Variants in AGBL1 observed in about 807,000 individuals in gnomAD.
The protein encoded by AGBL1 is cytosolic carboxypeptidase 4.
Under a neutral mutation model 118.9 loss-of-function variants are expected in AGBL1, and 130 were observed. The ratio of observed to expected loss-of-function variants is 1.09; its 90% CI spans 0.95 to 1.26. The LOEUF (loss-of-function observed/expected upper bound fraction) is 1.26, where lower values mean the gene tolerates loss of function less well. AGBL1 is among the 50% of genes most tolerant of loss of function. The pLI is 0.00. For synonymous variants in AGBL1, 555 were observed against 478.9 expected, an observed-to-expected ratio of 1.16 and a Z score of -2.08; for missense variants, 1,584 against 1,298.1, an observed-to-expected ratio of 1.22 and a Z score of -3.38.
At chr15:86,424,838 A>G (rs2081844385) in intron 18 of AGBL1, among the ~76,000 whole-genome samples, 1 of 152,234 alleles carries the variant, frequency 6.6e-6, no homozygotes, top group Non-Finnish European at 1.5e-5. Context: ...AACCACAATG[A>G]GATACCATCT....
intron 18 of AGBL1, among the ~76,000 whole-genome samples, chr15:86,421,811 AT>A (rs2081794671): frequency 6.6e-6 from 1 of 152,230 alleles, no homozygotes; most frequent in Non-Finnish European, 1.5e-5. Flanking sequence ...CTCATCTCTG[AT>A]AAAATAGACT....
At chr15:86,698,705 G>A (rs2086305481) in intron 22 of AGBL1, among the ~76,000 whole-genome samples, 1 of 150,732 alleles carries the variant, frequency 6.6e-6, no homozygotes, top group African/African-American at 2.4e-5. Context: ...ATCCTACTCT[G>A]CCTATCTAGT....
chr15:86,770,211 T>C (rs1185883131), intron 22 of AGBL1, among the ~76,000 whole-genome samples: 1 of 151,950 alleles, frequency 6.6e-6, no homozygotes, highest in African/African-American at 2.4e-5. Context: ...AGTTAGTTTA[T>C]AGAGATGAAT....
chr15:86,449,535 T>C (rs1228083217), intron 18 of AGBL1, among the ~76,000 whole-genome samples: 1 of 152,224 alleles, frequency 6.6e-6, no homozygotes, highest in Non-Finnish European at 1.5e-5. Flanking sequence ...TGTGGATTCT[T>C]GGCCAAGTGG....
rs193179328 is a variant in AGBL1 at position 86,105,946 on chromosome 15, G to A, written c.51+25923G>A. ...GGAATTACACTAGTATTTCTAGAGT[G>A]ACCTGATAACTCAGCCCTTTGTTTC... On this transcript the variant is annotated intron_variant, in intron 1 of 22. Coordinates refer to ENST00000614907, the MANE Select transcript of AGBL1 (RefSeq NM_001386094.1). Among the ~76,000 whole-genome samples, 176 of 152,328 alleles carry A rather than the reference G, an allele frequency of 1.2e-3. 1 individual carries two copies. Among genetic ancestry groups the A allele is most frequent in the African/African-American group, 4.1e-3 (171 of 41,576 alleles).
intron 17 of AGBL1, among the ~76,000 whole-genome samples, chr15:86,391,640 G>GTTTTTTTTTTT (rs751427467): frequency 7.7e-4 from 57 of 73,778 alleles, no homozygotes; most frequent in South Asian, 1.2e-3. Flanking sequence ...GTTGTTGTTG[G>GTTTTTTTTTTT]TTTTTTTTTT....
At chr15:86,703,402 T>C (rs578225527) in intron 22 of AGBL1, among the ~76,000 whole-genome samples, 6 of 152,282 alleles carry the variant, frequency 3.9e-5, no homozygotes, top group African/African-American at 1.4e-4. Context: ...AGGTGAGTTG[T>C]TTACATTGTT....
chr15:86,653,166 A>AC (rs59893562), intron 21 of AGBL1, among the ~76,000 whole-genome samples: 65,998 of 151,522 alleles, frequency 0.44, 15,024 homozygotes, highest in Middle Eastern at 0.57. Context: ...TCAAATGCAA[A>AC]CCAAAATGAG....
chr15:86,951,711 T>G (rs184205534), intron 23 of AGBL1, among the ~76,000 whole-genome samples: 71 of 152,316 alleles, frequency 4.7e-4, no homozygotes, highest in African/African-American at 1.6e-3. Flanking sequence ...TTTATTGATC[T>G]GAAAATTGTA....
chr15:86,734,682 G>A (rs761458552), intron 22 of AGBL1, among the ~76,000 whole-genome samples: 1 of 152,182 alleles, frequency 6.6e-6, no homozygotes, highest in Non-Finnish European at 1.5e-5. Context: ...AAGCAATGAA[G>A]TGACATCAGG....
In AGBL1 at chr15:86,367,146, C is replaced by T. The variant is rs144538630; in HGVS notation, c.2375-30220C>T. ...AAAACCCAATTGAAAATGGTTTCAA[C>T]GAAGTAGAAAAATCTATGGGCTCAT... On this transcript the variant is annotated intron_variant, in intron 17 of 22. Transcript: ENST00000614907. 2.8e-3 allele frequency among the ~76,000 whole-genome samples: 419 copies of T among 152,178 alleles called. 10 individuals carry two copies. Among genetic ancestry groups the T allele is most frequent in the Middle Eastern group, 3.4e-3 (1 of 294 alleles).
chr15:86,367,863 T>A (rs753148971), intron 17 of AGBL1, among the ~76,000 whole-genome samples: 6 of 152,054 alleles, frequency 3.9e-5, no homozygotes, highest in Admixed American at 1.3e-4. Context: ...AAATTTGAAA[T>A]GTTGAGGAAG....
intron 18 of AGBL1, among the ~76,000 whole-genome samples, chr15:86,433,088 G>T (rs940915053): frequency 6.6e-6 from 1 of 152,120 alleles, no homozygotes; most frequent in South Asian, 2.1e-4. Flanking sequence ...CTGATAGGCC[G>T]GAGCAGGGTG....
intron 21 of AGBL1, among the ~76,000 whole-genome samples, chr15:86,619,145 A>G (rs536261568): frequency 1.3e-5 from 2 of 152,260 alleles, no homozygotes; most frequent in Admixed American, 6.5e-5. Context: ...AGTGCCTGCT[A>G]TGAATGAGGC....
chr15:86,195,045 G>C (rs1160146545), intron 5 of AGBL1, among the ~76,000 whole-genome samples: 1 of 151,894 alleles, frequency 6.6e-6, no homozygotes, highest in East Asian at 1.9e-4. Flanking sequence ...GATCTATGAG[G>C]GTTTTTAAAT....
chr15:86,369,784 A>AT (rs1159039540), intron 17 of AGBL1, among the ~76,000 whole-genome samples: 1 of 152,200 alleles, frequency 6.6e-6, no homozygotes, highest in Non-Finnish European at 1.5e-5. Context: ...AATGATAGGG[A>AT]TAACAAGGGC....
In AGBL1 at chr15:86,698,394, A is replaced by G. The variant is rs75502804; in HGVS notation, c.3158+23958A>G. On this transcript the variant is annotated intron_variant, in intron 22 of 22. Coordinates refer to ENST00000614907, the MANE Select transcript of AGBL1 (RefSeq NM_001386094.1). ...GAAAAGGATACTGAGGTTCAGAGTGATTAAACACTTTGCCTCAGTACGAAT... is the reference window on the plus strand; with the variant it reads ...GAAAAGGATACTGAGGTTCAGAGTGGTTAAACACTTTGCCTCAGTACGAAT... 1.8e-3 allele frequency among the ~76,000 whole-genome samples: 267 copies of G among 152,124 alleles called. 4 individuals carry two copies. In the East Asian group the frequency reaches 0.022, roughly 12 times the overall value.
chr15:86,741,380 G>GAAAAAAAAAAAAAAAAA (rs1567150532), intron 22 of AGBL1, among the ~76,000 whole-genome samples: 1 of 7,240 alleles, frequency 1.4e-4, no homozygotes, highest in Non-Finnish European at 2.6e-4. Flanking sequence ...CTAAGGCAAA[G>GAAAAAAAAAAAAAAAAA]CAAAAAAAAA....
chr15:86,317,349 C>A (rs62015575), intron 17 of AGBL1, among the ~76,000 whole-genome samples: 5,532 of 152,222 alleles, frequency 0.036, 350 homozygotes, highest in African/African-American at 0.13. Context: ...AATATCCTAT[C>A]CGCACAGAGA....
Sources: allele counts gnomAD v4.1 joint callset (sites outside exome capture counted in the v4.1 genomes callset), GRCh38; gene constraint gnomAD v4.1.1; transcripts MANE v1.5; gene names NCBI Gene and HGNC (gene_info 2026-07-23, HGNC 2026-07-21).